Variants in FERMT2 observed in about 807,000 individuals in gnomAD.
The protein encoded by FERMT2 is fermitin family homolog 2.
FERMT2 carries 15 observed loss-of-function variants against 82.7 expected under a neutral mutation model. The observed-to-expected ratio is 0.18, with a 90% confidence interval of 0.12 to 0.28. The LOEUF (loss-of-function observed/expected upper bound fraction) is 0.28. Among genes scored for constraint, FERMT2 ranks in the 10% least tolerant of loss-of-function variants. FERMT2 has a pLI of 1.00. For missense variants in FERMT2, 645 were observed against 809.4 expected, an observed-to-expected ratio of 0.80 and a Z score of 2.46; for synonymous variants, 274 against 271.5, an observed-to-expected ratio of 1.01 and a Z score of -0.09.
At chr14:52,894,259 A>T (rs1887126717) in intron 3 of FERMT2, among the ~76,000 whole-genome samples, 2 of 152,248 alleles carry the variant, frequency 1.3e-5, no homozygotes, top group Non-Finnish European at 1.5e-5. Flanking sequence ...GAAATTAAAA[A>T]TGACCCAATT....
chr14:52,930,541 C>G (rs1216626969), intron 2 of FERMT2, among the ~76,000 whole-genome samples: 1 of 152,156 alleles, frequency 6.6e-6, no homozygotes, highest in Non-Finnish European at 1.5e-5. Flanking sequence ...AAAGGGAATG[C>G]TGCTGCCAAG....
chr14:52,922,958 G>A (rs1889046039), intron 2 of FERMT2, among the ~76,000 whole-genome samples: 1 of 152,148 alleles, frequency 6.6e-6, no homozygotes, highest in Non-Finnish European at 1.5e-5. Flanking sequence ...AGACAGTATA[G>A]CCTACTACAC....
At chr14:52,893,610 G>GT (rs1192726621) in intron 3 of FERMT2, among the ~76,000 whole-genome samples, 183 bp from the exon 4 acceptor site, 13 of 152,134 alleles carry the variant, frequency 8.5e-5, no homozygotes, top group Admixed American at 7.2e-4. Flanking sequence ...TTCTTAATTC[G>GT]TAACTATATA....
intron 14 of FERMT2, chr14:52,859,359 C>G (rs1275902522): frequency 1.1e-5 from 5 of 450,916 alleles, no homozygotes; most frequent in Non-Finnish European, 1.9e-5. Flanking sequence ...AAAAAGGCAA[C>G]ATTCTAAGCA....
chr14:52,908,714 T>A (rs925240175), intron 3 of FERMT2, among the ~76,000 whole-genome samples: 1 of 152,232 alleles, frequency 6.6e-6, no homozygotes, highest in Non-Finnish European at 1.5e-5. Context: ...GGTGGTCCAC[T>A]GGTCAAAATG....
rs540546264 is a variant in FERMT2 at position 52,948,802 on chromosome 14, C to T, written c.157+1610G>A. On this transcript the variant is annotated intron_variant, in intron 2 of 14. Transcript: ENST00000341590. ...TACAAGTTGTCTCAGTCACCTTCAA[C>T]AGCTCCTTTTTTTGCAATATAAAAA... 1.1e-4 allele frequency among the ~76,000 whole-genome samples: 16 copies of T among 152,320 alleles called. No homozygotes were observed. In the South Asian group the frequency reaches 2.9e-3, roughly 28 times the overall value.
chr14:52,915,746 T>C (rs768127900), intron 3 of FERMT2, among the ~76,000 whole-genome samples: 1 of 152,054 alleles, frequency 6.6e-6, no homozygotes, highest in African/African-American at 2.4e-5. Context: ...CACAAACCAA[T>C]GTTAACTTCT....
intron 4 of FERMT2, among the ~76,000 whole-genome samples, chr14:52,889,243 T>C (rs1272410133): frequency 6.6e-6 from 1 of 152,230 alleles, no homozygotes; most frequent in Non-Finnish European, 1.5e-5. Flanking sequence ...TGGTTGTCAG[T>C]AATAGCAACG....
chr14:52,915,195 C>T (rs1174029709), intron 3 of FERMT2, among the ~76,000 whole-genome samples: 1 of 152,120 alleles, frequency 6.6e-6, no homozygotes, highest in Non-Finnish European at 1.5e-5. Flanking sequence ...AGATTTTATT[C>T]ATGAATGGTA....
intron 2 of FERMT2, among the ~76,000 whole-genome samples, chr14:52,927,783 T>C (rs1889370873): frequency 6.6e-6 from 1 of 151,810 alleles, no homozygotes; most frequent in African/African-American, 2.4e-5. Context: ...CACACATCCA[T>C]GGATATGCCC....
intron 8 of FERMT2, among the ~76,000 whole-genome samples, chr14:52,874,975 G>A (rs1403221816): frequency 6.6e-6 from 1 of 152,074 alleles, no homozygotes; most frequent in African/African-American, 2.4e-5. Context: ...AATGGCTTGA[G>A]CCCTGGAGTT....
chr14:52,870,125 A>G (rs541197289), intron 10 of FERMT2, among the ~76,000 whole-genome samples: 1 of 152,316 alleles, frequency 6.6e-6, no homozygotes, highest in East Asian at 1.9e-4. Flanking sequence ...AAATTATTGA[A>G]TAAAGTCTAT....
intron 6 of FERMT2, among the ~76,000 whole-genome samples, chr14:52,880,384 A>G (rs1160767013): frequency 6.6e-6 from 1 of 152,172 alleles, no homozygotes. Context: ...TATTTTAAAA[A>G]TGAACTTTGC....
chr14:52,886,051 TAAAG>T (rs962888500), intron 4 of FERMT2, among the ~76,000 whole-genome samples: 8 of 151,074 alleles, frequency 5.3e-5, no homozygotes, highest in Admixed American at 1.3e-4. Flanking sequence ...ATAAATAAAA[TAAAG>T]AATCTATCAT....
intron 2 of FERMT2, among the ~76,000 whole-genome samples, chr14:52,946,597 G>C (rs540940449): frequency 1.3e-5 from 2 of 152,302 alleles, no homozygotes; most frequent in African/African-American, 2.4e-5. Context: ...AGGATGCAAA[G>C]AGCCATGAAC....
At chr14:52,929,698 T>G (rs940436832) in intron 2 of FERMT2, among the ~76,000 whole-genome samples, 2 of 152,154 alleles carry the variant, frequency 1.3e-5, no homozygotes, top group Non-Finnish European at 2.9e-5. Context: ...AATTCCATAT[T>G]CTCAGAGAAG....
chr14:52,860,427 A>G lies in FERMT2; in HGVS notation c.1641T>C (p.Ala547=). The part of the protein sequence containing the change: ...ARILEAHQNV[A]QMSLIEAKMR... ...TCTTGGCTTCAATTAGACTCATCTG[A>G]GCTACATTCTGATGGGCCTCCAAGA... Residue 547 remains alanine, a synonymous_variant, in exon 13 of 15, where the codon GCT becomes GCC. Transcript: ENST00000341590. 1 of 1,613,572 alleles carries G rather than the reference A, an allele frequency of 6.2e-7. No homozygotes were observed.
chr14:52,890,643 G>A (rs1251340494), intron 4 of FERMT2, among the ~76,000 whole-genome samples: 1 of 141,048 alleles, frequency 7.1e-6, no homozygotes, highest in Non-Finnish European at 1.5e-5. Flanking sequence ...TTGCTCTGTC[G>A]CCCAGACTGG....
chr14:52,919,230 T>A lies in FERMT2; in HGVS notation c.284A>T (p.Gln95Leu). The part of the protein sequence containing the change: ...QADAKLQFTP[Q>L]HKLLRLQLPN... ...AAGCTGCAGGCGGAGCAGTTTGTGC[T>A]GAGGGGTGAACTGAAGCTTAGCATC... Residue 95 changes from glutamine (Q) to leucine (L), a missense_variant, in exon 3 of 15, where the codon CAG (glutamine) becomes CTG (leucine). Coordinates refer to ENST00000341590, the MANE Select transcript of FERMT2 (RefSeq NM_006832.3). 6.2e-7 allele frequency: 1 copy of A among 1,614,162 alleles called. No homozygotes were observed. The highest frequency in any genetic ancestry group is 8.5e-7 in the Non-Finnish European group (1 of 1,180,008).
Sources: gnomAD v4.1 joint callset for allele counts (sites outside exome capture counted in the v4.1 genomes callset) on GRCh38, gnomAD v4.1.1 for gene constraint, MANE v1.5 for transcripts, NCBI Gene and HGNC (gene_info 2026-07-23, HGNC 2026-07-21) for gene names.